The following NRG2 variants were observed in gnomAD, a reference collection of about 807,000 sequenced individuals.
The protein encoded by NRG2 is pro-neuregulin-2, membrane-bound isoform.
In NRG2, 27 loss-of-function variants were observed where a neutral mutation model predicts 73.9. The ratio of observed to expected loss-of-function variants is 0.37; its 90% CI spans 0.27 to 0.50. NRG2 has a LOEUF of 0.50. Ranked by LOEUF, NRG2 falls within the 20% of genes least tolerant of loss-of-function variation. The pLI is 0.96. For missense variants in NRG2, 1,126 were observed against 1,210.1 expected (o/e 0.93, Z 1.03); for synonymous variants, 532 against 541.0 (o/e 0.98, Z 0.23).
Position 139,887,221 on chromosome 5 carries a change from G to A in NRG2, c.872+119C>T, listed in dbSNP as rs191446425. The A allele has an allele frequency of 8.5e-7, 1 of 1,181,348 alleles. No homozygotes were observed. Among genetic ancestry groups the A allele is most frequent in the East Asian group, 2.3e-5 (1 of 42,650 alleles). 73.2% of individuals were successfully genotyped at this position (1,181,348 alleles called of 1,614,324 possible). ...GAAGGGGAGTATGGAGAGGGGCTGG[G>A]ACTGGTTCCATGGGTGAGTCTGGGG... On this transcript the variant is annotated intron_variant, in intron 2 of 9. Transcript: ENST00000361474. The surrounding 1 kb of genome is among the most constrained non-coding windows in gnomAD (Gnocchi z 4.5).
At position 139,852,919 on chromosome 5, in the gene NRG2, C is replaced by T; in HGVS notation, c.1401G>A (p.Glu467=). Residue 467 remains glutamate (E), a synonymous_variant, in exon 7 of 10, where the codon GAG becomes GAA. Transcript: ENST00000361474. This position sits in a 1 kb window ranked among gnomAD's most constrained non-coding sequence, Gnocchi z 4.4. ...AGCCACTCACATCTGCCATCTGGAT[C>T]TCCTCTGGGTCCAGCCGGGGGTGGC... ...GPSHPRLDPE[E]IQMADYISKN... 1 of 1,613,048 alleles carries T rather than the reference C, an allele frequency of 6.2e-7. No homozygotes were observed. The highest frequency in any genetic ancestry group is 1.1e-5 in the South Asian group (1 of 90,912).
At chr5:139,939,681 A>C (rs544202714) in intron 1 of NRG2, among the ~76,000 whole-genome samples, 2 of 152,384 alleles carry the variant, frequency 1.3e-5, no homozygotes, top group African/African-American at 4.8e-5. Flanking sequence ...TGAAAATGAA[A>C]AGGCAAAGGA....
chr5:139,888,013 C>G (rs1763980839), intron 1 of NRG2, among the ~76,000 whole-genome samples: 1 of 152,140 alleles, frequency 6.6e-6, no homozygotes. Flanking sequence ...AGCTGAGAGG[C>G]TGTCCCCATT....
chr5:140,022,036 A>G (rs2126669867), intron 1 of NRG2, among the ~76,000 whole-genome samples: 1 of 152,286 alleles, frequency 6.6e-6, no homozygotes, highest in Middle Eastern at 3.4e-3. Context: ...CTCTCAAGGC[A>G]GTCCCAGCCT....
At chr5:139,883,748 G>T (rs1763692663) in intron 2 of NRG2, among the ~76,000 whole-genome samples, 1 of 152,180 alleles carries the variant, frequency 6.6e-6, no homozygotes, top group Admixed American at 6.5e-5. Context: ...TGGTCGCAGG[G>T]AGTCAGAAGT....
Position 139,949,934 on chromosome 5 carries a change from G to A in NRG2, c.701-62423C>T, listed in dbSNP as rs184137992. ...GGCCTCCCAAAGGGCAACTAGTACTGCTACATTCTTTGCATGGCTCCTTCC... is the reference window on the plus strand; with the variant it reads ...GGCCTCCCAAAGGGCAACTAGTACTACTACATTCTTTGCATGGCTCCTTCC... On this transcript the variant is annotated intron_variant, in intron 1 of 9. Coordinates refer to ENST00000361474, the MANE Select transcript of NRG2 (RefSeq NM_004883.3). Among the ~76,000 whole-genome samples, 81 of 152,338 alleles carry A rather than the reference G, an allele frequency of 5.3e-4. 1 individual carries two copies. The highest frequency in any genetic ancestry group is 3.2e-4 in the Non-Finnish European group (22 of 68,036).
rs546621074 is a variant in NRG2, at chr5:139,954,649, G to A, written c.701-67138C>T. Among the ~76,000 whole-genome samples the A allele has an allele frequency of 6.6e-6, 1 of 152,260 alleles. No homozygotes were observed. The highest frequency in any genetic ancestry group is 2.4e-5 in the African/African-American group (1 of 41,546). ...TCCAGGCCAAGCCCTCCACCCCAGC[G>A]ACTCTCCGCAGAGGCCCCTGCGCGT... On this transcript the variant is annotated intron_variant, in intron 1 of 9. Coordinates refer to ENST00000361474, the MANE Select transcript of NRG2 (RefSeq NM_004883.3). This position sits in a 1 kb window ranked among gnomAD's most constrained non-coding sequence, Gnocchi z 5.0.
chr5:139,876,954 T>TGTGC (rs1763219100), intron 3 of NRG2, among the ~76,000 whole-genome samples: 1 of 151,604 alleles, frequency 6.6e-6, no homozygotes, highest in Non-Finnish European at 1.5e-5. Context: ...TGTGTGTGTG[T>TGTGC]GTGTGTGTGT....
chr5:139,871,857 A>G lies in NRG2; in HGVS notation c.992-16T>C. ...GTGGTGCTCACTGAGGGTATGAGAG[A>G]CATGTGCCAGTGACGCACTGAGACT... On this transcript the variant is annotated splice_polypyrimidine_tract_variant and intron_variant, in intron 3 of 9. Coordinates refer to ENST00000361474, the MANE Select transcript of NRG2 (RefSeq NM_004883.3). 1.2e-6 allele frequency: 2 copies of G among 1,612,570 alleles called. No homozygotes were observed. The highest frequency in any genetic ancestry group is 1.7e-6 in the Non-Finnish European group (2 of 1,179,018).
chr5:139,870,045 A>G lies in NRG2; in HGVS notation c.1112+1676T>C. Among the ~76,000 whole-genome samples the G allele has an allele frequency of 6.6e-6, 1 of 152,118 alleles. No individual in the cohort carries two copies. The highest frequency in any genetic ancestry group is 1.9e-4 in the East Asian group (1 of 5,206). On this transcript the variant is annotated intron_variant, in intron 4 of 9. Coordinates refer to ENST00000361474, the MANE Select transcript of NRG2 (RefSeq NM_004883.3). The surrounding 1 kb of genome is among the most constrained non-coding windows in gnomAD (Gnocchi z 4.4). ...GCTAGGGAAGAGGAGAGACCTACCT[A>G]GTGTGTATGTCACAGGGAGGAGGAG...
chr5:139,989,660 G>A (rs1441995766), intron 1 of NRG2, among the ~76,000 whole-genome samples: 1 of 151,808 alleles, frequency 6.6e-6, no homozygotes, highest in Non-Finnish European at 1.5e-5. Flanking sequence ...TGTCACCACA[G>A]TTCATTCATT....
rs1033687978 is a variant in NRG2 at position 139,853,336 on chromosome 5, T to C, written c.1293-309A>G. ...CTCATCTATAAGACAGGGTGATCAT[T>C]TATCCATTCCAAAGACTATTGAGGA... On this transcript the variant is annotated intron_variant, in intron 6 of 9. Transcript: ENST00000361474. This position sits in a 1 kb window ranked among gnomAD's most constrained non-coding sequence, Gnocchi z 4.1. Among the ~76,000 whole-genome samples, 1 of 152,202 alleles carries C rather than the reference T, an allele frequency of 6.6e-6. No homozygotes were observed. The highest frequency in any genetic ancestry group is 1.5e-5 in the Non-Finnish European group (1 of 68,034).
intron 1 of NRG2, among the ~76,000 whole-genome samples, chr5:140,031,655 C>T (rs1339144617): frequency 6.6e-6 from 1 of 152,128 alleles, no homozygotes; most frequent in Non-Finnish European, 1.5e-5. Flanking sequence ...AATAAACCCT[C>T]CTCTCTAAAG....
intron 1 of NRG2, among the ~76,000 whole-genome samples, chr5:139,966,344 G>A (rs993780411): frequency 2.0e-4 from 31 of 152,192 alleles, no homozygotes; most frequent in African/African-American, 7.5e-4. Context: ...TGGAATGTGA[G>A]GATCCCTCCA....
intron 1 of NRG2, among the ~76,000 whole-genome samples, chr5:139,977,790 C>T (rs1035163518): frequency 7.9e-5 from 12 of 152,138 alleles, no homozygotes; most frequent in Admixed American, 2.0e-4. Context: ...AATAATGCCG[C>T]GTATCTACAA....
chr5:140,029,052 G>C (rs1347785974), intron 1 of NRG2, among the ~76,000 whole-genome samples: 1 of 152,196 alleles, frequency 6.6e-6, no homozygotes, highest in Non-Finnish European at 1.5e-5. Flanking sequence ...ACTAGTGTCT[G>C]ACTGTTCAGC....
At chr5:139,938,961 A>AGG (rs1561694173) in intron 1 of NRG2, among the ~76,000 whole-genome samples, 1 of 137,458 alleles carries the variant, frequency 7.3e-6, no homozygotes, top group Non-Finnish European at 1.6e-5. Context: ...AAGAAAGAAA[A>AGG]AAGAAGGAAG....
Position 139,904,457 on chromosome 5 carries a change from C to G in NRG2, c.701-16946G>C, listed in dbSNP as rs1765100496. 4 of 1,047,452 alleles carry G rather than the reference C, an allele frequency of 3.8e-6. No homozygotes were observed. The highest frequency in any genetic ancestry group is 5.6e-6 in the Non-Finnish European group (4 of 717,186). 64.9% of individuals were successfully genotyped at this position (1,047,452 alleles called of 1,614,324 possible). On this transcript the variant is annotated intron_variant, in intron 1 of 9. Coordinates refer to ENST00000361474, the MANE Select transcript of NRG2 (RefSeq NM_004883.3). The surrounding 1 kb of genome is among the most constrained non-coding windows in gnomAD (Gnocchi z 6.0). ...GCTCTCCGCTGCCGCGCTGCGCCCC[C>G]GCCGCCTGCAGCCTCAGTGCCCGAG...
At chr5:139,910,069 C>T (rs1283055772) in intron 1 of NRG2, among the ~76,000 whole-genome samples, 1 of 152,210 alleles carries the variant, frequency 6.6e-6, no homozygotes, top group Admixed American at 6.5e-5. Flanking sequence ...AGCTTGGATA[C>T]TGGAACACTT....
Sources: gnomAD v4.1 joint callset for allele counts (sites outside exome capture counted in the v4.1 genomes callset) on GRCh38, gnomAD v4.1.1 for gene constraint, Gnocchi (gnomAD v3.1) non-coding constraint, MANE v1.5 for transcripts, NCBI Gene and HGNC (gene_info 2026-07-23, HGNC 2026-07-21) for gene names.